FAM174B: variants seen among roughly 807,000 people sequenced by gnomAD.
FAM174B encodes the protein family with sequence similarity 174 member B.
A neutral mutation model predicts 10.9 loss-of-function variants in FAM174B; 12 were observed. That is an observed-to-expected ratio of 1.10 (90% CI 0.71 to 1.79). The LOEUF (loss-of-function observed/expected upper bound fraction) is 1.79, where lower values mean the gene tolerates loss of function less well. FAM174B is among the 40% of genes most tolerant of loss of function. The probability of loss-of-function intolerance (pLI) is 0.00; values close to 1 mark genes in which losing one functional copy is unlikely to be tolerated. For synonymous variants in FAM174B, 132 were observed against 115.8 expected (o/e 1.14, Z -0.90); for missense variants, 266 against 233.3 (o/e 1.14, Z -0.91).
intron 1 of FAM174B, among the ~76,000 whole-genome samples, chr15:92,651,795 T>G (rs1025461220): frequency 4.6e-5 from 7 of 152,366 alleles, no homozygotes; most frequent in Admixed American, 3.9e-4. Flanking sequence ...GAATATATAG[T>G]GCAGTGGAAA....
intron 2 of FAM174B, among the ~76,000 whole-genome samples, chr15:92,625,655 A>T (rs2050747819): frequency 6.6e-6 from 1 of 152,242 alleles, no homozygotes; most frequent in South Asian, 2.1e-4. Flanking sequence ...TGTATAATAC[A>T]GTCTTATTTC....
chr15:92,621,348 G>A lies in FAM174B; in HGVS notation c.477-1889C>T, dbSNP rs190319449. Among the ~76,000 whole-genome samples, 30 of 152,222 alleles carry A rather than the reference G, an allele frequency of 2.0e-4. No homozygotes were observed. In the East Asian group the frequency reaches 4.4e-3, roughly 23 times the overall value. Reference sequence around the variant, plus strand: ...AAACATAAGCCAGGCACAGTGGGTCGCGCCCGTAATCCCAGAACTTTGGGA... The same window carrying A: ...AAACATAAGCCAGGCACAGTGGGTCACGCCCGTAATCCCAGAACTTTGGGA... On this transcript the variant is annotated intron_variant, in intron 2 of 2. Coordinates refer to ENST00000327355, the MANE Select transcript of FAM174B (RefSeq NM_207446.3).
At chr15:92,636,277 A>G (rs2050855659) in intron 1 of FAM174B, among the ~76,000 whole-genome samples, 1 of 152,110 alleles carries the variant, frequency 6.6e-6, no homozygotes. Flanking sequence ...TCTCGCCACC[A>G]CACTCCAGCC....
intron 1 of FAM174B, chr15:92,645,480 C>T (rs941147841): frequency 6.6e-6 from 1 of 152,394 alleles, no homozygotes; most frequent in Non-Finnish European, 1.5e-5. Flanking sequence ...CTCTTTCCCT[C>T]TCTCAGTCCC....
chr15:92,625,727 G>A (rs2050748305), intron 2 of FAM174B, among the ~76,000 whole-genome samples: 1 of 152,246 alleles, frequency 6.6e-6, no homozygotes, highest in African/African-American at 2.4e-5. Flanking sequence ...GTTAAGTAGT[G>A]AGATGACAAG....
intron 2 of FAM174B, among the ~76,000 whole-genome samples, chr15:92,629,529 G>A (rs1400771447): frequency 2.0e-5 from 3 of 152,190 alleles, no homozygotes; most frequent in Non-Finnish European, 4.4e-5. Flanking sequence ...CCTGGTGTGT[G>A]GCACACACGG....
chr15:92,620,880 G>A (rs2050715240), intron 2 of FAM174B, among the ~76,000 whole-genome samples: 2 of 150,346 alleles, frequency 1.3e-5, no homozygotes, highest in South Asian at 4.2e-4. Context: ...CTTAGAAAAG[G>A]AGGGAAAATT....
At chr15:92,632,681 G>GT (rs59050481) in intron 1 of FAM174B, among the ~76,000 whole-genome samples, 451 of 146,184 alleles carry the variant, frequency 3.1e-3, no homozygotes, top group East Asian at 6.8e-3. Context: ...TGGCTGGGTT[G>GT]TTTTTTTTTT....
At chr15:92,634,269 C>T (rs935071536) in intron 1 of FAM174B, 1 of 152,264 alleles carries the variant, frequency 6.6e-6, no homozygotes, top group Non-Finnish European at 1.5e-5. Flanking sequence ...TCAGGCACCA[C>T]AAAGCCCAGA....
At chr15:92,651,343 CAGG>C (rs1246118844) in intron 1 of FAM174B, among the ~76,000 whole-genome samples, 1 of 152,118 alleles carries the variant, frequency 6.6e-6, no homozygotes, top group African/African-American at 2.4e-5. Context: ...AGAATGCGGC[CAGG>C]AGCTGAGTAT....
At position 92,631,408 on chromosome 15, in the gene FAM174B, TATATAATATATAATATATA is replaced by T. The variant is rs2050814252; in HGVS notation, c.345-1082_345-1064del. Among the ~76,000 whole-genome samples the T allele has an allele frequency of 4.7e-5, 2 of 42,782 alleles. 1 individual carries two copies. Among genetic ancestry groups the T allele is most frequent in the Non-Finnish European group, 7.7e-5 (2 of 25,864 alleles). 28.1% of individuals were successfully genotyped at this position (42,782 alleles called of 152,430 possible). ...ATATATTATATATTATATTATATTATATATAATATATAATATATAATATAATATATTATATATATAACAT... is the reference window on the plus strand; with the variant it reads ...ATATATTATATATTATATTATATTATATATAATATATTATATATATAACAT... On this transcript the variant is annotated intron_variant, in intron 1 of 2. Transcript: ENST00000327355.
chr15:92,618,763 C>T lies in FAM174B; in HGVS notation c.*693G>A, dbSNP rs2050697473. On this transcript the variant is annotated 3_prime_UTR_variant, in exon 3 of 3. Coordinates refer to ENST00000327355, the MANE Select transcript of FAM174B (RefSeq NM_207446.3). ...ACACGTGCACACACACACACACACA[C>T]ACGCACAGTTTTTCCCTGATACTGG... 1 of 169,776 alleles carries T rather than the reference C, an allele frequency of 5.9e-6. No individual in the cohort carries two copies. The highest frequency in any genetic ancestry group is 2.4e-5 in the African/African-American group (1 of 41,186). 10.5% of individuals were successfully genotyped at this position (169,776 alleles called of 1,614,324 possible). A position where few individuals can be genotyped will look rare whatever the true frequency, so the allele number is the denominator to read the frequency against.
chr15:92,638,487 G>A (rs953403179), intron 1 of FAM174B, among the ~76,000 whole-genome samples: 4 of 152,100 alleles, frequency 2.6e-5, no homozygotes, highest in East Asian at 1.9e-4. Flanking sequence ...TTCCTTCCTC[G>A]CCCTCACCCA....
chr15:92,638,684 C>T (rs2030702514), intron 1 of FAM174B, among the ~76,000 whole-genome samples: 1 of 152,174 alleles, frequency 6.6e-6, no homozygotes, highest in African/African-American at 2.4e-5. Context: ...TACTTCCTGC[C>T]AGGTGTGGTC....
chr15:92,624,763 C>A (rs2050742436), intron 2 of FAM174B, among the ~76,000 whole-genome samples: 1 of 152,234 alleles, frequency 6.6e-6, no homozygotes, highest in Non-Finnish European at 1.5e-5. Flanking sequence ...GAAGCCGGGA[C>A]AGGGACCTCC....
chr15:92,630,811 T>TATATATTACATA lies in FAM174B; in HGVS notation c.345-467_345-466insTATGTAATATAT, dbSNP rs1454050572. 1.0e-4 allele frequency among the ~76,000 whole-genome samples: 3 copies of TATATATTACATA among 29,986 alleles called. 1 individual carries two copies. Among genetic ancestry groups the TATATATTACATA allele is most frequent in the Non-Finnish European group, 3.8e-4 (3 of 7,846 alleles). 19.7% of individuals were successfully genotyped at this position (29,986 alleles called of 152,430 possible). On this transcript the variant is annotated intron_variant, in intron 1 of 2. Coordinates refer to ENST00000327355, the MANE Select transcript of FAM174B (RefSeq NM_207446.3). ...ATTACATATTACATATTATATATAT[T>TATATATTACATA]TTATATATTACATATTATATATTAT...
intron 1 of FAM174B, among the ~76,000 whole-genome samples, chr15:92,646,783 T>G (rs538463398): frequency 6.6e-6 from 1 of 152,352 alleles, no homozygotes; most frequent in East Asian, 1.9e-4. Context: ...ACTTAACTCT[T>G]TCAACCAACT....
At chr15:92,649,967 G>A (rs150608288) in intron 1 of FAM174B, among the ~76,000 whole-genome samples, 70 of 152,270 alleles carry the variant, frequency 4.6e-4, no homozygotes, top group Admixed American at 4.1e-3. Context: ...AGAAACGACC[G>A]ACTGATGCTA....
intron 1 of FAM174B, among the ~76,000 whole-genome samples, chr15:92,631,393 T>C (rs1252478993): frequency 3.5e-5 from 1 of 28,268 alleles, no homozygotes; most frequent in Non-Finnish European, 5.6e-5. Flanking sequence ...ATATATTATA[T>C]ATTATATTAT....
Sources: allele counts gnomAD v4.1 joint callset (sites outside exome capture counted in the v4.1 genomes callset), GRCh38; gene constraint gnomAD v4.1.1; transcripts MANE v1.5; gene names NCBI Gene and HGNC (gene_info 2026-07-23, HGNC 2026-07-21).